The following MAP3K7CL variants were observed in gnomAD, a reference collection of about 807,000 sequenced individuals.
MAP3K7CL encodes MAP3K7 C-terminal-like protein.
In MAP3K7CL, 16 loss-of-function variants were observed where a neutral mutation model predicts 18.6. That is an observed-to-expected ratio of 0.86 (90% CI 0.58 to 1.31). The LOEUF is 1.31. Ranked by LOEUF, MAP3K7CL falls within the 50% of genes most tolerant of loss-of-function variation. MAP3K7CL has a pLI of 0.00. For missense variants in MAP3K7CL, 163 were observed against 174.4 expected (o/e 0.93, Z 0.37); for synonymous variants, 65 against 66.8 (o/e 0.97, Z 0.13).
In MAP3K7CL at chr21:29,115,312, C is replaced by A. The variant is rs192784077; in HGVS notation, c.370+22731C>A. ...CCATCTCACCTTTCATTTAGCTAAG[C>A]AGTTCTTTTTTCAGATTTGGCTTGT... On this transcript the variant is annotated intron_variant, in intron 4 of 6. Coordinates refer to the MAP3K7CL transcript ENST00000286791. 1.2e-4 allele frequency among the ~76,000 whole-genome samples: 19 copies of A among 152,332 alleles called. No homozygotes were observed. In the East Asian group the frequency reaches 3.7e-3, roughly 29 times the overall value.
At position 29,110,612 on chromosome 21, in the gene MAP3K7CL, G is replaced by T. The variant is rs142571971; in HGVS notation, c.370+18031G>T. On this transcript the variant is annotated intron_variant, in intron 4 of 6. Transcript: ENST00000286791. The stretch of plus-strand genomic sequence containing the variant: ...GAATTTCACCATGTTGGCCAGGCTG[G>T]TCTCAAACTCTTGATCTCAAATGAT... 7.0e-3 allele frequency among the ~76,000 whole-genome samples: 1,068 copies of T among 152,132 alleles called. 10 individuals carry two copies. The highest frequency in any genetic ancestry group is 0.024 in the African/African-American group (1,007 of 41,500).
chr21:29,083,158 T>C (rs1360975954), upstream of MAP3K7CL, among the ~76,000 whole-genome samples: 1 of 152,224 alleles, frequency 6.6e-6, no homozygotes, highest in Non-Finnish European at 1.5e-5. Context: ...TCCTCAATTT[T>C]CTTGGCCTTA....
At chr21:29,140,593 A>G (rs2832213) in intron 2 of MAP3K7CL, among the ~76,000 whole-genome samples, 50,587 of 152,128 alleles carry the variant, frequency 0.33, 8,521 homozygotes, top group Non-Finnish European at 0.35. Context: ...TTCATGTTAT[A>G]AGAGAAAGCT....
At chr21:29,168,135 T>C (rs1425304416) in intron 4 of MAP3K7CL, among the ~76,000 whole-genome samples, 1 of 152,220 alleles carries the variant, frequency 6.6e-6, no homozygotes, top group Non-Finnish European at 1.5e-5. Context: ...AAATATTTAC[T>C]CAGCCTCCAG....
chr21:29,159,363 G>GTT (rs975821491), intron 3 of MAP3K7CL, among the ~76,000 whole-genome samples: 7 of 151,112 alleles, frequency 4.6e-5, no homozygotes, highest in East Asian at 3.9e-4. Flanking sequence ...TATAGGGATG[G>GTT]TTTTTTTTTA....
chr21:29,138,087 A>G (rs2086923567), intron 2 of MAP3K7CL, among the ~76,000 whole-genome samples: 1 of 152,226 alleles, frequency 6.6e-6, no homozygotes, highest in Admixed American at 6.5e-5. Context: ...TTTTTCAGTG[A>G]TAGCAGAATG....
At chr21:29,116,431 C>T (rs868098708) in intron 4 of MAP3K7CL, among the ~76,000 whole-genome samples, 1 of 152,232 alleles carries the variant, frequency 6.6e-6, no homozygotes, top group Non-Finnish European at 1.5e-5. Context: ...AGCCTTCTAG[C>T]TCTAACATTA....
At chr21:29,147,453 G>C (rs1424489253) in intron 2 of MAP3K7CL, among the ~76,000 whole-genome samples, 1 of 151,742 alleles carries the variant, frequency 6.6e-6, no homozygotes, top group Non-Finnish European at 1.5e-5. Flanking sequence ...TATTGTATCT[G>C]TATGTGTACT....
chr21:29,101,276 GCA>G (rs1490172896), intron 4 of MAP3K7CL, among the ~76,000 whole-genome samples: 1 of 152,158 alleles, frequency 6.6e-6, no homozygotes, highest in Non-Finnish European at 1.5e-5. Flanking sequence ...AGGCTGTCTA[GCA>G]CAGAGTATCT....
In MAP3K7CL at chr21:29,174,926, A is replaced by G. The variant is rs1188368362; in HGVS notation, c.*34A>G. 5 of 1,600,750 alleles carry G rather than the reference A, an allele frequency of 3.1e-6. No individual in the cohort carries two copies. Among genetic ancestry groups the G allele is most frequent in the Non-Finnish European group, 4.3e-6 (5 of 1,171,614 alleles). On this transcript the variant is annotated 3_prime_UTR_variant, in exon 5 of 5. Transcript: ENST00000399928. ...TTTTCAGTGTGAGCATACGAGGCTG[A>G]TGACTGCCCTGTGCTGGCCAAAAGA...
At chr21:29,141,308 A>T (rs2087001926) in intron 2 of MAP3K7CL, among the ~76,000 whole-genome samples, 1 of 152,012 alleles carries the variant, frequency 6.6e-6, no homozygotes, top group Admixed American at 6.6e-5. Flanking sequence ...AGGTCAGGAG[A>T]TGGAGACTAT....
intron 4 of MAP3K7CL, among the ~76,000 whole-genome samples, chr21:29,119,770 C>T (rs1223506014): frequency 6.7e-6 from 1 of 150,316 alleles, no homozygotes; most frequent in Non-Finnish European, 1.5e-5. Context: ...TCAAGGGATT[C>T]TCCTGCCTCA....
At chr21:29,133,504 A>G in intron 2 of MAP3K7CL, 90 bp downstream of exon 2, 2 of 953,668 alleles carry the variant, frequency 2.1e-6, no homozygotes, top group Non-Finnish European at 3.0e-6. Flanking sequence ...GAAAATTTAA[A>G]GTTGCATGCT....
At chr21:29,154,348 C>G (rs2087348608) in intron 3 of MAP3K7CL, among the ~76,000 whole-genome samples, 1 of 151,328 alleles carries the variant, frequency 6.6e-6, no homozygotes, top group African/African-American at 2.4e-5. Flanking sequence ...GTTCTGATGC[C>G]CTCTTCTTTT....
chr21:29,172,899 A>G (rs1401716391), intron 4 of MAP3K7CL, among the ~76,000 whole-genome samples: 1 of 135,324 alleles, frequency 7.4e-6, no homozygotes, highest in Non-Finnish European at 1.5e-5. Flanking sequence ...AAACTTGAAT[A>G]TTATTGCTTT....
intron 4 of MAP3K7CL, among the ~76,000 whole-genome samples, chr21:29,100,911 A>C (rs2086217582): frequency 6.6e-6 from 1 of 150,888 alleles, no homozygotes; most frequent in Non-Finnish European, 1.5e-5. Context: ...ACAGGGTTTC[A>C]CCGGGTTAGC....
At position 29,170,814 on chromosome 21, in the gene MAP3K7CL, T is replaced by A. The variant is rs541656758; in HGVS notation, c.249-3898T>A. 3.3e-5 allele frequency among the ~76,000 whole-genome samples: 5 copies of A among 152,062 alleles called. No individual in the cohort carries two copies. In the South Asian group the frequency reaches 1.0e-3, roughly 32 times the overall value. On this transcript the variant is annotated intron_variant, in intron 4 of 4. Transcript: ENST00000399928. ...CCACCATGCCTCGCTAATTTTTGTATTTTCGGTAGATACAGGGTTTCACCA... is the reference window on the plus strand; with the variant it reads ...CCACCATGCCTCGCTAATTTTTGTAATTTCGGTAGATACAGGGTTTCACCA...
intron 3 of MAP3K7CL, 103 bp from the exon 4 acceptor site, chr21:29,159,835 AAAG>A (rs1219601619): frequency 1.3e-5 from 10 of 787,970 alleles, no homozygotes; most frequent in East Asian, 2.5e-5. Flanking sequence ...TAAAAAAAAA[AAAG>A]AAGAAGAAAA....
At chr21:29,124,222 C>T (rs1026235889) in intron 4 of MAP3K7CL, among the ~76,000 whole-genome samples, 3 of 151,816 alleles carry the variant, frequency 2.0e-5, no homozygotes, top group African/African-American at 7.3e-5. Context: ...GGCGTGGTGG[C>T]AGGCACCTGT....
Sources: gnomAD v4.1 joint callset for allele counts (sites outside exome capture counted in the v4.1 genomes callset) on GRCh38, gnomAD v4.1.1 for gene constraint, MANE v1.5 for transcripts, NCBI Gene and HGNC (gene_info 2026-07-23, HGNC 2026-07-21) for gene names.